RSPH3: variants seen among roughly 807,000 people sequenced by gnomAD.
RSPH3 encodes the protein radial spoke head protein 3 homolog.
RSPH3 carries 21 observed loss-of-function variants against 43.8 expected under a neutral mutation model. That is an observed-to-expected ratio of 0.48 (90% CI 0.34 to 0.69). The LOEUF (loss-of-function observed/expected upper bound fraction) is 0.69. RSPH3 is among the 30% of genes least tolerant of loss of function. RSPH3 has a pLI of 0.01. For missense variants in RSPH3, 487 were observed against 516.0 expected, an observed-to-expected ratio of 0.94 and a Z score of 0.54; for synonymous variants, 173 against 179.8, an observed-to-expected ratio of 0.96 and a Z score of 0.30.
rs549358371 is a variant in RSPH3 at position 158,999,799 on chromosome 6, G to A, written c.-249C>T. The A allele has an allele frequency of 2.5e-6, 4 of 1,613,428 alleles. No homozygotes were observed. The highest frequency in any genetic ancestry group is 1.1e-5 in the South Asian group (1 of 90,982). ...GCCGCATCGGTTGCCCAGCAACCCA[G>A]GGTTCTGTCTGGGGGCGGGAACTCC... On this transcript the variant is annotated 5_prime_UTR_variant, in exon 1 of 8. Transcript: ENST00000367069.
chr6:158,999,744 C>T lies in RSPH3; in HGVS notation c.-194G>A, dbSNP rs1015574852. 2 of 1,611,644 alleles carry T rather than the reference C, an allele frequency of 1.2e-6. No homozygotes were observed. The highest frequency in any genetic ancestry group is 1.7e-6 in the Non-Finnish European group (2 of 1,178,390). On this transcript the variant is annotated 5_prime_UTR_variant, in exon 1 of 8. Coordinates refer to ENST00000367069, the MANE Select transcript of RSPH3 (RefSeq NM_031924.8). ...GGAGGTGGGAGCTATACTGGGCTCG[C>T]TCCCAGCACCACAGAGACCAGCTGC... is the stretch of plus-strand genomic sequence containing the variant.
At position 158,980,929 on chromosome 6, in the gene RSPH3, C is replaced by T. The variant is rs758822234; in HGVS notation, c.704G>A (p.Arg235His). 32 of 1,613,800 alleles carry T rather than the reference C, an allele frequency of 2.0e-5. No individual in the cohort carries two copies. Among genetic ancestry groups the T allele is most frequent in the South Asian group, 4.4e-5 (4 of 91,082 alleles). Reference sequence around the variant, plus strand: ...CATTATTTCCCACTGCTGTTTCTTACGCCGTTCCTGCCAAGAACGACAGAG... The same window carrying T: ...CATTATTTCCCACTGCTGTTTCTTATGCCGTTCCTGCCAAGAACGACAGAG... ...ERRHREEKER[R>H]KKQQWEIMHK... Residue 235 changes from arginine to histidine, a missense_variant, in exon 6 of 8, where the codon CGT becomes CAT. Physicochemically the swap from Arg to His is conservative, Grantham distance 29. Coordinates refer to ENST00000367069, the MANE Select transcript of RSPH3 (RefSeq NM_031924.8).
chr6:158,979,365 T>A (rs569088863), intron 6 of RSPH3, among the ~76,000 whole-genome samples: 2 of 152,154 alleles, frequency 1.3e-5, no homozygotes, highest in Non-Finnish European at 2.9e-5. Flanking sequence ...TTTTTGGTAA[T>A]CTGTGATAGA....
downstream of RSPH3, among the ~76,000 whole-genome samples, chr6:158,970,689 G>A (rs936574213): frequency 2.6e-5 from 4 of 151,372 alleles, no homozygotes; most frequent in African/African-American, 9.7e-5. Context: ...GGGATTACAG[G>A]CACCCGCCAC....
intron 2 of RSPH3, among the ~76,000 whole-genome samples, chr6:158,993,471 AAC>A (rs1365012981): frequency 6.6e-6 from 1 of 150,616 alleles, no homozygotes; most frequent in Non-Finnish European, 1.5e-5. Context: ...TTTGTGGTAA[AAC>A]ACACATAATG....
At chr6:158,978,772 A>G (rs575619387) in intron 6 of RSPH3, among the ~76,000 whole-genome samples, 2 of 152,034 alleles carry the variant, frequency 1.3e-5, no homozygotes, top group African/African-American at 2.4e-5. Context: ...ATCTCCTGAC[A>G]TCGTGATTCA....
chr6:158,964,332 C>T, the RSPH3 span, among the ~76,000 whole-genome samples: 1 of 152,112 alleles, frequency 6.6e-6, no homozygotes, highest in Non-Finnish European at 1.5e-5. Context: ...ATCTAAGGAT[C>T]AATGGGATTA....
At chr6:158,992,482 A>T (rs1224923994) in intron 2 of RSPH3, among the ~76,000 whole-genome samples, 1 of 124,940 alleles carries the variant, frequency 8.0e-6, no homozygotes. Flanking sequence ...TTTTGTAGAG[A>T]CAGGGTTACC....
chr6:158,968,798 A>G (rs1008673589), downstream of RSPH3, among the ~76,000 whole-genome samples: 2 of 148,172 alleles, frequency 1.3e-5, no homozygotes, highest in Non-Finnish European at 3.0e-5. Flanking sequence ...TGCAACCTCC[A>G]TCTCTTGGAT....
rs779053040 is a variant in RSPH3 at position 158,977,786 on chromosome 6, G to C, written c.1009C>G (p.Gln337Glu). The C allele has an allele frequency of 6.2e-7, 1 of 1,614,144 alleles. No homozygotes were observed. Among genetic ancestry groups the C allele is most frequent in the East Asian group, 2.2e-5 (1 of 44,884 alleles). The change falls in exon 8 of 8, where the codon CAG (glutamine) becomes GAG (glutamate). Residue 337 changes from glutamine (Q) to glutamate (E), a missense_variant. Physicochemically the swap from Gln to Glu is conservative, Grantham distance 29. Transcript: ENST00000367069. ...CMYEHGEDTH[Q>E]SPEPEDEPGG... The stretch of plus-strand genomic sequence containing the variant: ...GGCTCATCCTCGGGTTCTGGAGACT[G>C]ATGTGTGTCTTCCCCATGCTCATAC...
In RSPH3 at chr6:158,975,813, A is replaced by C. The variant is rs935798349; in HGVS notation, c.*1725T>G. 5 of 152,372 alleles carry C rather than the reference A, an allele frequency of 3.3e-5. No homozygotes were observed. The highest frequency in any genetic ancestry group is 1.2e-4 in the African/African-American group (5 of 41,594). 9.4% of individuals were successfully genotyped at this position (152,372 alleles called of 1,614,324 possible). On this transcript the variant is annotated 3_prime_UTR_variant, in exon 8 of 8. Coordinates refer to ENST00000367069, the MANE Select transcript of RSPH3 (RefSeq NM_031924.8). ...ATACATTCTTGGTACCTAACTTAAA[A>C]GAAATTAAGGTAAATGGGTTAATAA... is the stretch of plus-strand genomic sequence containing the variant.
chr6:158,968,420 G>C (rs184577387), downstream of RSPH3, among the ~76,000 whole-genome samples: 1 of 151,936 alleles, frequency 6.6e-6, no homozygotes, highest in Non-Finnish European at 1.5e-5. Context: ...ATTTTTAATA[G>C]AGATCAGGTT....
the RSPH3 span, among the ~76,000 whole-genome samples, chr6:158,966,127 T>C: frequency 2.0e-5 from 3 of 152,168 alleles, no homozygotes; most frequent in Non-Finnish European, 4.4e-5. Context: ...GGTAAACTTG[T>C]GTAATGAATA....
chr6:158,972,636 C>T (rs60073639), downstream of RSPH3, among the ~76,000 whole-genome samples: 54 of 152,020 alleles, frequency 3.6e-4, 1 homozygote, highest in Non-Finnish European at 7.2e-4. Context: ...CAAAAATGTT[C>T]GTATTTATAA....
rs118134422 is a variant in RSPH3 at position 158,989,338 on chromosome 6, C to T, written c.205-2917G>A. On this transcript the variant is annotated intron_variant, in intron 2 of 7. Coordinates refer to ENST00000367069, the MANE Select transcript of RSPH3 (RefSeq NM_031924.8). This position sits in a 1 kb window ranked among gnomAD's most constrained non-coding sequence, Gnocchi z 4.3. ...CTGGGATTACAGGCATGAGACACTG[C>T]GCCCCGACAGAGATCCTTTATCACT... Among the ~76,000 whole-genome samples, 5 of 152,228 alleles carry T rather than the reference C, an allele frequency of 3.3e-5. No homozygotes were observed. Among genetic ancestry groups the T allele is most frequent in the Non-Finnish European group, 5.9e-5 (4 of 68,000 alleles).
chr6:158,980,101 T>C (rs968008932), intron 6 of RSPH3, among the ~76,000 whole-genome samples: 1 of 152,254 alleles, frequency 6.6e-6, no homozygotes, highest in Non-Finnish European at 1.5e-5. Flanking sequence ...CTTTATAGTT[T>C]ACACAGTTTC....
intron 1 of RSPH3, among the ~76,000 whole-genome samples, chr6:158,998,063 A>AGCTT (rs1270831254): frequency 6.6e-6 from 1 of 152,020 alleles, no homozygotes. Flanking sequence ...GCATCCATGG[A>AGCTT]GCTTGCATTC....
chr6:158,990,183 T>TTA lies in RSPH3; in HGVS notation c.204+3654_204+3655dup, dbSNP rs149608030. Among the ~76,000 whole-genome samples, 610 of 150,442 alleles carry TTA rather than the reference T, an allele frequency of 4.1e-3. 2 individuals carry two copies. The highest frequency in any genetic ancestry group is 4.6e-3 in the African/African-American group (191 of 41,146). ...GACTTAATACTTAATAAACTCTCCT[T>TTA]TATATATATATATATCTATTCCATT... On this transcript the variant is annotated intron_variant, in intron 2 of 7. Transcript: ENST00000367069.
Position 158,999,969 on chromosome 6 carries a change from A to AC in RSPH3, c.-420dup. On this transcript the variant is annotated 5_prime_UTR_variant, in exon 1 of 8. It introduces an in-frame stop codon into an upstream open reading frame of the 5' UTR. Coordinates refer to ENST00000367069, the MANE Select transcript of RSPH3 (RefSeq NM_031924.8). Reference sequence around the variant, plus strand: ...TAGGGAGGCGGCCTTGGCTGGCTTGACCGTCATCCTTGAGGCCTGCGGGGC... The same window carrying AC: ...TAGGGAGGCGGCCTTGGCTGGCTTGACCCGTCATCCTTGAGGCCTGCGGGGC... 1 of 1,593,612 alleles carries AC rather than the reference A, an allele frequency of 6.3e-7. No homozygotes were observed. Among genetic ancestry groups the AC allele is most frequent in the African/African-American group, 1.3e-5 (1 of 74,732 alleles).
Sources: gnomAD v4.1 joint callset for allele counts (sites outside exome capture counted in the v4.1 genomes callset) on GRCh38, gnomAD v4.1.1 for gene constraint, Gnocchi (gnomAD v3.1) non-coding constraint, MANE v1.5 for transcripts, NCBI Gene and HGNC (gene_info 2026-07-23, HGNC 2026-07-21) for gene names.